The following DIAPH2 variants were observed in gnomAD, a reference collection of about 807,000 sequenced individuals.
The protein encoded by DIAPH2 is diaphanous related formin 2.
Under a neutral mutation model 92.7 loss-of-function variants are expected in DIAPH2, and 35 were observed. The ratio of observed to expected loss-of-function variants is 0.38; its 90% CI spans 0.29 to 0.50. The LOEUF is 0.50. DIAPH2 is among the 20% of genes least tolerant of loss of function. DIAPH2 has a pLI of 0.94. For synonymous variants in DIAPH2, 301 were observed against 280.4 expected (o/e 1.07, Z -0.73); for missense variants, 701 against 819.5 (o/e 0.86, Z 1.77).
intron 22 of DIAPH2, among the ~76,000 whole-genome samples, chrX:97,178,838 TA>T (rs1337408617): frequency 1.8e-5 from 2 of 111,070 alleles, no homozygotes; most frequent in Non-Finnish European, 3.8e-5. Flanking sequence ...TTAGGACTCA[TA>T]AAATGGTTTG....
At chrX:97,210,020 C>T (rs2067827718) in intron 22 of DIAPH2, among the ~76,000 whole-genome samples, 1 of 111,246 alleles carries the variant, frequency 9.0e-6, no homozygotes, top group South Asian at 3.7e-4. Context: ...CTGTTAAGGG[C>T]TTGACAATCC....
intron 26 of DIAPH2, among the ~76,000 whole-genome samples, chrX:97,480,003 T>C (rs781346596): frequency 4.9e-4 from 55 of 111,635 alleles, no homozygotes; most frequent in Non-Finnish European, 8.3e-4. Flanking sequence ...TTTAGGAAAA[T>C]AGTACTTTAA....
At chrX:96,952,673 T>C (rs1331056338) in intron 15 of DIAPH2, among the ~76,000 whole-genome samples, 2 of 110,599 alleles carry the variant, frequency 1.8e-5, no homozygotes, top group Non-Finnish European at 3.8e-5. Context: ...AAGCAGAGGT[T>C]GCAGTGAGCT....
At chrX:97,572,196 G>A (rs1345507694) in intron 26 of DIAPH2, among the ~76,000 whole-genome samples, 1 of 110,121 alleles carries the variant, frequency 9.1e-6, no homozygotes, top group African/African-American at 3.3e-5. Context: ...GTGAAGGGAG[G>A]CAAGGGGCAA....
intron 22 of DIAPH2, among the ~76,000 whole-genome samples, chrX:97,155,052 T>C (rs898148619): frequency 1.8e-5 from 2 of 112,099 alleles, no homozygotes; most frequent in Non-Finnish European, 3.8e-5. Context: ...AATATAAGTT[T>C]CAGCTATCAA....
At chrX:97,175,643 A>G (rs1261572764) in intron 22 of DIAPH2, among the ~76,000 whole-genome samples, 1 of 111,891 alleles carries the variant, frequency 8.9e-6, no homozygotes, top group Non-Finnish European at 1.9e-5. Flanking sequence ...TCTTTGTATT[A>G]AAGTACTGGT....
At chrX:97,160,355 A>G (rs1286530165) in intron 22 of DIAPH2, among the ~76,000 whole-genome samples, 1 of 112,473 alleles carries the variant, frequency 8.9e-6, no homozygotes, top group Non-Finnish European at 1.9e-5. Context: ...GACAAAGGCT[A>G]TGTTATCCTG....
intron 17 of DIAPH2, among the ~76,000 whole-genome samples, chrX:97,054,765 C>CATCT (rs1281404307): frequency 9.0e-6 from 1 of 110,706 alleles, no homozygotes; most frequent in African/African-American, 3.3e-5. Context: ...TAAGCTTTAT[C>CATCT]ATCTACATAG....
chrX:97,119,317 C>T (rs1037618590), intron 21 of DIAPH2, among the ~76,000 whole-genome samples: 3 of 111,146 alleles, frequency 2.7e-5, no homozygotes, highest in Non-Finnish European at 5.7e-5. Flanking sequence ...GCAGGAGCTG[C>T]AGTGATTGTT....
chrX:97,543,054 C>T (rs895597443), intron 26 of DIAPH2, among the ~76,000 whole-genome samples: 1 of 112,431 alleles, frequency 8.9e-6, no homozygotes, highest in African/African-American at 3.2e-5. Context: ...CACGATTCTG[C>T]AATCTGGGCT....
intron 10 of DIAPH2, among the ~76,000 whole-genome samples, chrX:96,933,092 C>T (rs919728963): frequency 1.4e-4 from 16 of 110,503 alleles, no homozygotes; most frequent in African/African-American, 4.9e-4. Flanking sequence ...CAAGGATTCT[C>T]ATAATTTTTT....
chrX:97,189,230 A>T (rs955802935), intron 22 of DIAPH2, among the ~76,000 whole-genome samples: 1 of 111,552 alleles, frequency 9.0e-6, no homozygotes, highest in African/African-American at 3.3e-5. Context: ...AGCGGAGGTT[A>T]AAGGAAAGGT....
At chrX:97,528,982 G>A (rs186046438) in intron 26 of DIAPH2, 11 of 110,164 alleles carry the variant, frequency 1.0e-4, no homozygotes, top group Non-Finnish European at 1.3e-4. Context: ...ACTGAGGCAG[G>A]ATAATCGCTT....
chrX:96,846,996 CT>C (rs753449913), intron 4 of DIAPH2, among the ~76,000 whole-genome samples: 1 of 111,270 alleles, frequency 9.0e-6, no homozygotes, highest in Non-Finnish European at 1.9e-5. Flanking sequence ...AGATACATCC[CT>C]TATATGTGCA....
chrX:97,062,199 A>G (rs2066603901), intron 17 of DIAPH2, among the ~76,000 whole-genome samples: 1 of 111,828 alleles, frequency 8.9e-6, no homozygotes, highest in Non-Finnish European at 1.9e-5. Context: ...CATTCCTATG[A>G]GACCAATGGT....
intron 5 of DIAPH2, among the ~76,000 whole-genome samples, chrX:96,899,196 A>T (rs368825579): frequency 9.3e-6 from 1 of 107,419 alleles, no homozygotes; most frequent in Non-Finnish European, 1.9e-5. Context: ...CTTAGGATTG[A>T]CTTGGCGATG....
chrX:97,110,020 C>T (rs1183189974), intron 20 of DIAPH2, among the ~76,000 whole-genome samples: 7 of 111,637 alleles, frequency 6.3e-5, no homozygotes, highest in Non-Finnish European at 1.3e-4. Flanking sequence ...CCTAACATTT[C>T]TGGTTTGACA....
intron 17 of DIAPH2, among the ~76,000 whole-genome samples, chrX:96,998,124 T>C (rs1162591049): frequency 8.9e-6 from 1 of 112,172 alleles, no homozygotes; most frequent in African/African-American, 3.2e-5. Flanking sequence ...TTAGCTTCTA[T>C]ATCCTGTGAT....
chrX:97,108,187 A>G (rs970044407), intron 20 of DIAPH2, among the ~76,000 whole-genome samples: 4 of 110,783 alleles, frequency 3.6e-5, no homozygotes, highest in African/African-American at 6.6e-5. Flanking sequence ...TTTTTTTAAT[A>G]TAGTGAAGAT....
Sources: allele counts gnomAD v4.1 joint callset (sites outside exome capture counted in the v4.1 genomes callset), GRCh38; gene constraint gnomAD v4.1.1; transcripts MANE v1.5; gene names NCBI Gene and HGNC (gene_info 2026-07-23, HGNC 2026-07-21).